Variants in AGBL4 observed in about 807,000 individuals in gnomAD.
AGBL4 encodes the protein AGBL carboxypeptidase 4, also known as cytosolic carboxypeptidase 6.
Under a neutral mutation model 66.4 loss-of-function variants are expected in AGBL4, and 58 were observed. The observed-to-expected ratio is 0.87, with a 90% CI of 0.71 to 1.09. The LOEUF is 1.09. Among genes scored for constraint, AGBL4 ranks in the 50% least tolerant of loss-of-function variants. The pLI is 0.00. For synonymous variants in AGBL4, 234 were observed against 222.9 expected, an observed-to-expected ratio of 1.05 and a Z score of -0.44; for missense variants, 579 against 631.0, an observed-to-expected ratio of 0.92 and a Z score of 0.88.
At chr1:49,051,884 T>C (rs1240940946) in intron 4 of AGBL4, among the ~76,000 whole-genome samples, 1 of 152,076 alleles carries the variant, frequency 6.6e-6, no homozygotes. Flanking sequence ...AGGCAACACA[T>C]TTTTACACCC....
At chr1:49,384,493 T>A (rs1227656331) in intron 3 of AGBL4, among the ~76,000 whole-genome samples, 3 of 151,936 alleles carry the variant, frequency 2.0e-5, no homozygotes, top group African/African-American at 7.3e-5. Context: ...CTTGGGAGGC[T>A]GAGGCAGGAA....
At chr1:48,625,094 TTCCTTCCTTCCTTCC>T (rs1161039367) in intron 9 of AGBL4, among the ~76,000 whole-genome samples, 14 of 9,542 alleles carry the variant, frequency 1.5e-3, no homozygotes, top group Non-Finnish European at 8.6e-3. Flanking sequence ...TTCTTTCTCC[TTCCTTCCTTCCTTCC>T]TTCCTTCCTT....
chr1:48,609,500 C>T (rs1645204356), intron 9 of AGBL4, among the ~76,000 whole-genome samples: 1 of 152,190 alleles, frequency 6.6e-6, no homozygotes, highest in South Asian at 2.1e-4. Context: ...CAGCTCACTG[C>T]AGCCTTGACC....
chr1:49,215,660 C>T (rs76859300), intron 4 of AGBL4, among the ~76,000 whole-genome samples: 4,203 of 152,168 alleles, frequency 0.028, 169 homozygotes, highest in African/African-American at 0.096. Flanking sequence ...ATTCTTCAGA[C>T]AGGTACCCCT....
At chr1:49,020,443 T>G (rs1446529760) in intron 5 of AGBL4, among the ~76,000 whole-genome samples, 2 of 152,080 alleles carry the variant, frequency 1.3e-5, no homozygotes, top group Non-Finnish European at 2.9e-5. Flanking sequence ...TAAAAGGAAA[T>G]AAGCAGAAAG....
intron 6 of AGBL4, among the ~76,000 whole-genome samples, chr1:48,707,755 A>G (rs1004698319): frequency 6.6e-6 from 1 of 152,024 alleles, no homozygotes; most frequent in African/African-American, 2.4e-5. Flanking sequence ...TCCACACCAG[A>G]CTCTGGCAGT....
intron 4 of AGBL4, among the ~76,000 whole-genome samples, chr1:49,112,244 T>C (rs1385085550): frequency 6.6e-6 from 1 of 152,200 alleles, no homozygotes; most frequent in African/African-American, 2.4e-5. Context: ...GAGTATAACA[T>C]AGTGATAGAA....
chr1:48,621,418 T>TCCTCCTCATATGTGGGTGGCTAGGTCC (rs1645411807), intron 9 of AGBL4, among the ~76,000 whole-genome samples: 1 of 152,178 alleles, frequency 6.6e-6, no homozygotes, highest in East Asian at 1.9e-4. Flanking sequence ...AAAATAAAGC[T>TCCTCCTCATATGTGGGTGGCTAGGTCC]CCTCCTCATA....
chr1:49,308,272 A>G (rs186331811), intron 3 of AGBL4, among the ~76,000 whole-genome samples: 26 of 152,296 alleles, frequency 1.7e-4, no homozygotes, highest in Admixed American at 1.4e-3. Flanking sequence ...GCCCAAACAG[A>G]GTAGTTTAAA....
At chr1:49,405,319 A>G (rs1193214345) in intron 3 of AGBL4, among the ~76,000 whole-genome samples, 1 of 152,216 alleles carries the variant, frequency 6.6e-6, no homozygotes, top group African/African-American at 2.4e-5. Flanking sequence ...GGCCAATTAC[A>G]GAAGTGGATG....
intron 5 of AGBL4, among the ~76,000 whole-genome samples, chr1:49,012,221 G>A (rs922950826): frequency 2.0e-5 from 3 of 152,048 alleles, no homozygotes; most frequent in East Asian, 1.9e-4. Context: ...AGATGACACG[G>A]ATAACAGTGA....
intron 3 of AGBL4, among the ~76,000 whole-genome samples, chr1:49,322,543 T>C (rs1195989635): frequency 6.6e-6 from 1 of 152,200 alleles, no homozygotes; most frequent in Non-Finnish European, 1.5e-5. Flanking sequence ...GAAATCATCT[T>C]AGATTATCCA....
chr1:49,517,900 A>T (rs1649958043), intron 3 of AGBL4, among the ~76,000 whole-genome samples: 1 of 152,046 alleles, frequency 6.6e-6, no homozygotes, highest in Admixed American at 6.6e-5. Flanking sequence ...AATCAGACTA[A>T]ATATGTTAAT....
intron 2 of AGBL4, among the ~76,000 whole-genome samples, chr1:49,723,978 A>T (rs1284335696): frequency 6.6e-6 from 1 of 152,174 alleles, no homozygotes; most frequent in Non-Finnish European, 1.5e-5. Flanking sequence ...AATCATGCTT[A>T]CCAGAGAAGT....
chr1:49,103,918 ATTAC>A (rs1321969737), intron 4 of AGBL4, among the ~76,000 whole-genome samples: 2 of 152,086 alleles, frequency 1.3e-5, no homozygotes, highest in Non-Finnish European at 2.9e-5. Flanking sequence ...TCGACTCTTT[ATTAC>A]TTCCACAAAA....
intron 3 of AGBL4, among the ~76,000 whole-genome samples, chr1:49,360,991 T>C (rs1644124089): frequency 6.6e-6 from 1 of 151,752 alleles, no homozygotes; most frequent in South Asian, 2.1e-4. Flanking sequence ...AAAGAAAGAG[T>C]TTCACCGTGT....
intron 3 of AGBL4, among the ~76,000 whole-genome samples, chr1:49,346,416 G>A (rs1357174910): frequency 2.6e-5 from 4 of 152,100 alleles, no homozygotes; most frequent in Admixed American, 6.5e-5. Context: ...GTGATCCCAC[G>A]TCAGCTTGGT....
chr1:48,560,831 G>A (rs182205980), intron 11 of AGBL4, among the ~76,000 whole-genome samples: 1 of 152,190 alleles, frequency 6.6e-6, no homozygotes, highest in Non-Finnish European at 1.5e-5. Flanking sequence ...AATTTTGAAG[G>A]CACTAATTTA....
intron 6 of AGBL4, among the ~76,000 whole-genome samples, chr1:48,822,538 A>G (rs374983662): frequency 2.1e-3 from 319 of 152,348 alleles, no homozygotes; most frequent in African/African-American, 7.2e-3. Context: ...TTCAAAATCA[A>G]TTGACCATAT....
Sources: allele counts gnomAD v4.1 joint callset (sites outside exome capture counted in the v4.1 genomes callset), GRCh38; gene constraint gnomAD v4.1.1; transcripts MANE v1.5; gene names NCBI Gene and HGNC (gene_info 2026-07-23, HGNC 2026-07-21).